Variants in PRELID3A observed in about 807,000 individuals in gnomAD.
PRELID3A encodes the protein PRELI domain containing 3A, also known as PRELI domain containing protein 3A.
Under a neutral mutation model 23.0 loss-of-function variants are expected in PRELID3A, and 27 were observed. That is an observed-to-expected ratio of 1.17 (90% CI 0.87 to 1.62). PRELID3A has a LOEUF of 1.62. Among genes scored for constraint, PRELID3A ranks in the 40% most tolerant of loss-of-function variants. PRELID3A has a pLI of 0.00. For missense variants in PRELID3A, 231 were observed against 231.4 expected, an observed-to-expected ratio of 1.00 and a Z score of 0.01; for synonymous variants, 87 against 86.4, an observed-to-expected ratio of 1.01 and a Z score of -0.04.
In PRELID3A at chr18:12,408,021, G is replaced by C; in HGVS notation, c.32+14G>C. The C allele has an allele frequency of 7.9e-7, 1 of 1,266,186 alleles. No individual in the cohort carries two copies. The highest frequency in any genetic ancestry group is 3.0e-5 in the South Asian group (1 of 33,250). The allele number at this position is 1,266,186 out of a possible 1,614,324, so 78.4% of individuals were successfully genotyped here. A position where few individuals can be genotyped will look rare whatever the true frequency, so the allele number is the denominator to read the frequency against. On this transcript the variant is annotated intron_variant, in intron 1 of 6. Coordinates refer to ENST00000440960, the MANE Select transcript of PRELID3A (RefSeq NM_001142405.2). ...GCACGTGTTTGGGTGAGGCCGGGCT[G>C]AGGGCCGCGGTGGGGCCGTCCAGAC... is the stretch of plus-strand genomic sequence containing the variant.
At chr18:12,417,996 T>TAGGG (rs2030018959) in intron 1 of PRELID3A, among the ~76,000 whole-genome samples, 1 of 152,194 alleles carries the variant, frequency 6.6e-6, no homozygotes, top group Non-Finnish European at 1.5e-5. Flanking sequence ...TAGAACAGGT[T>TAGGG]AGGGAGCTGC....
At chr18:12,412,182 G>A (rs1342416169) in intron 1 of PRELID3A, among the ~76,000 whole-genome samples, 2 of 148,448 alleles carry the variant, frequency 1.3e-5, no homozygotes, top group South Asian at 4.2e-4. Flanking sequence ...GAGCCACGGC[G>A]CCCGGCCTTT....
Position 12,426,079 on chromosome 18 carries a change from C to CA in PRELID3A, c.292-953dup, listed in dbSNP as rs537564516. The stretch of plus-strand genomic sequence containing the variant: ...CTGAAACCCTGTCTCTACTAAAATA[C>CA]AAAAAAAAACTTAGCCAGGCATGGT... On this transcript the variant is annotated intron_variant, in intron 3 of 6. Transcript: ENST00000440960. Among the ~76,000 whole-genome samples the CA allele has an allele frequency of 4.6e-3, 676 of 145,994 alleles. 11 individuals are homozygous for CA. Among genetic ancestry groups the CA allele is most frequent in the African/African-American group, 0.016 (644 of 39,448 alleles).
chr18:12,429,267 GT>G (rs1334185905), intron 5 of PRELID3A, 82 bp from the exon 6 acceptor site: 3 of 1,214,200 alleles, frequency 2.5e-6, no homozygotes, highest in Non-Finnish European at 3.7e-6. Context: ...GCCTTCTGCA[GT>G]TTAGCCTGTG....
At chr18:12,410,597 T>C (rs1477468068) in intron 1 of PRELID3A, 15 of 152,254 alleles carry the variant, frequency 9.9e-5, no homozygotes, top group Admixed American at 9.8e-4. Flanking sequence ...CCCTGATTTT[T>C]TTCCTTTGAG....
At chr18:12,423,232 C>G (rs149893315) in intron 3 of PRELID3A, among the ~76,000 whole-genome samples, 1 of 151,894 alleles carries the variant, frequency 6.6e-6, no homozygotes. Flanking sequence ...GGGGCAGGCA[C>G]AAGACCACAG....
rs2143359355 is a variant in PRELID3A at position 12,420,384 on chromosome 18, C to T, written c.92C>T (p.Pro31Leu). The T allele has an allele frequency of 1.2e-6, 2 of 1,611,036 alleles. No individual in the cohort carries two copies. Among genetic ancestry groups the T allele is most frequent in the South Asian group, 1.1e-5 (1 of 90,630 alleles). Residue 31 changes from proline to leucine, a missense_variant, in exon 2 of 7, where the codon CCG (proline) becomes CTG (leucine). Physicochemically the swap from Pro to Leu is moderately conservative, Grantham distance 98 (BLOSUM62 -3). Coordinates refer to ENST00000440960, the MANE Select transcript of PRELID3A (RefSeq NM_001142405.2). ...CGCAAGTACCCGAACCCGATGAACCCGAGCGTGCTGGGCGTGGATGTGCTA... is the reference window on the plus strand; with the variant it reads ...CGCAAGTACCCGAACCCGATGAACCTGAGCGTGCTGGGCGTGGATGTGCTA... Reference protein sequence around the residue: ...AMRKYPNPMNPSVLGVDVLQR... With the variant: ...AMRKYPNPMNLSVLGVDVLQR...
chr18:12,416,556 G>A (rs1466926906), intron 1 of PRELID3A, among the ~76,000 whole-genome samples: 2 of 152,140 alleles, frequency 1.3e-5, no homozygotes, highest in Non-Finnish European at 2.9e-5. Flanking sequence ...GCATCAAGCA[G>A]TCTTCCTGCC....
Position 12,429,040 on chromosome 18 carries a change from T to C in PRELID3A, c.466-310T>C, listed in dbSNP as rs530951654. Among the ~76,000 whole-genome samples, 4 of 152,282 alleles carry C rather than the reference T, an allele frequency of 2.6e-5. No individual in the cohort carries two copies. The East Asian group carries it at 7.7e-4, about 29-fold the overall frequency. ...TTGGGGGTGCGTGGAGGTGTCACCC[T>C]GGGCTTTCCTGGCCTCCTGGGGCAG... is the stretch of plus-strand genomic sequence containing the variant. On this transcript the variant is annotated intron_variant, in intron 5 of 6. Transcript: ENST00000440960.
At chr18:12,415,239 C>CTTT in intron 1 of PRELID3A, among the ~76,000 whole-genome samples, 1 of 143,462 alleles carries the variant, frequency 7.0e-6, no homozygotes, top group Non-Finnish European at 1.5e-5. Flanking sequence ...CTGCCTACAT[C>CTTT]TTTTTTTTTT....
intron 6 of PRELID3A, among the ~76,000 whole-genome samples, chr18:12,429,663 C>T (rs1360208349): frequency 6.6e-6 from 1 of 152,204 alleles, no homozygotes; most frequent in Admixed American, 6.5e-5. Context: ...GAGCTGCGGC[C>T]CTCTGGGTCG....
chr18:12,429,918 G>A (rs1031325675), intron 6 of PRELID3A, among the ~76,000 whole-genome samples: 2 of 152,260 alleles, frequency 1.3e-5, no homozygotes, highest in Admixed American at 6.5e-5. Context: ...CCTTTCTGGC[G>A]TTTCCTTGAG....
intron 1 of PRELID3A, among the ~76,000 whole-genome samples, chr18:12,416,337 A>G (rs2143340142): frequency 6.6e-6 from 1 of 151,944 alleles, no homozygotes; most frequent in East Asian, 1.9e-4. Flanking sequence ...TTAGACAGGC[A>G]TTTGCTCTGT....
At chr18:12,423,722 G>A (rs2030266603) in intron 3 of PRELID3A, among the ~76,000 whole-genome samples, 1 of 152,176 alleles carries the variant, frequency 6.6e-6, no homozygotes, top group African/African-American at 2.4e-5. Context: ...TGGGGACAGG[G>A]CTGAGGAGCA....
chr18:12,430,521 G>A (rs1215832769), intron 6 of PRELID3A, among the ~76,000 whole-genome samples: 2 of 149,598 alleles, frequency 1.3e-5, no homozygotes, highest in Non-Finnish European at 3.0e-5. Context: ...ATGTGCGTGT[G>A]TGGGGTGTGT....
intron 3 of PRELID3A, among the ~76,000 whole-genome samples, chr18:12,423,818 T>C (rs1236874232): frequency 6.6e-6 from 1 of 152,146 alleles, no homozygotes; most frequent in Non-Finnish European, 1.5e-5. Context: ...AGGCCCAGTG[T>C]TTGAAAGAAA....
chr18:12,409,163 T>TTTG, intron 1 of PRELID3A, among the ~76,000 whole-genome samples: 1 of 131,212 alleles, frequency 7.6e-6, no homozygotes, highest in Non-Finnish European at 1.6e-5. Flanking sequence ...GGCTGGGTTT[T>TTTG]TTTTTTTTTT....
chr18:12,420,614 G>A, intron 2 of PRELID3A, 121 bp downstream of exon 2: 1 of 1,129,224 alleles, frequency 8.9e-7, no homozygotes. Context: ...CATCGGGGTG[G>A]GAGGGCGGCG....
At chr18:12,413,489 T>C (rs1288560916) in intron 1 of PRELID3A, among the ~76,000 whole-genome samples, 2 of 152,166 alleles carry the variant, frequency 1.3e-5, no homozygotes, top group Non-Finnish European at 2.9e-5. Flanking sequence ...TTGGAAGCAT[T>C]TGGAATATAG....
Sources: gnomAD v4.1 joint callset for allele counts (sites outside exome capture counted in the v4.1 genomes callset) on GRCh38, gnomAD v4.1.1 for gene constraint, MANE v1.5 for transcripts, NCBI Gene and HGNC (gene_info 2026-07-23, HGNC 2026-07-21) for gene names.